The following NF1 variants were observed in gnomAD, a reference collection of about 807,000 sequenced individuals.
NF1 encodes the protein neurofibromin 1.
Under a neutral mutation model 325.7 loss-of-function variants are expected in NF1, and 122 were observed. The ratio of observed to expected loss-of-function variants is 0.37; its 90% confidence interval spans 0.32 to 0.44. The LOEUF is 0.44. Ranked by LOEUF, NF1 falls within the 20% of genes least tolerant of loss-of-function variation. The probability of loss-of-function intolerance (pLI) is 1.00; values close to 1 mark genes in which losing one functional copy is unlikely to be tolerated. For missense variants in NF1, 2,140 were observed against 3,415.4 expected (o/e 0.63, Z 9.31); for synonymous variants, 1,091 against 1,186.0 (o/e 0.92, Z 1.65).
intron 36 of NF1, among the ~76,000 whole-genome samples, chr17:31,285,277 T>TAC (rs1555622017): frequency 8.3e-6 from 1 of 120,896 alleles, no homozygotes; most frequent in Non-Finnish European, 1.7e-5. Context: ...AGATTCTGTT[T>TAC]AAAAAAAAAA....
At position 31,346,818 on chromosome 17, in the gene NF1, CTT is replaced by C. The variant is rs59155043; in HGVS notation, c.7190-2281_7190-2280del. On this transcript the variant is annotated intron_variant, in intron 48 of 57. Coordinates refer to ENST00000358273, the MANE Select transcript of NF1 (RefSeq NM_001042492.3). ...GACATCCTGGGATGAAAGAATTTGG[CTT>C]TTTTTTTTTTTTTTTTTTTTACATC... Among the ~76,000 whole-genome samples the C allele has an allele frequency of 6.3e-4, 68 of 108,174 alleles. 1 individual carries two copies. Among genetic ancestry groups the C allele is most frequent in the African/African-American group, 1.8e-3 (50 of 28,152 alleles). 71.0% of individuals were successfully genotyped at this position (108,174 alleles called of 152,430 possible).
chr17:31,317,403 A>ACACC lies in NF1; in HGVS notation c.4836-8416_4836-8415insACCC, dbSNP rs571315603. On this transcript the variant is annotated intron_variant, in intron 36 of 57. Transcript: ENST00000358273. ...CACACACACACACACACACACACAC[A>ACACC]CCCCTAATAAATCATTAGGCTACTT... Among the ~76,000 whole-genome samples the ACACC allele has an allele frequency of 1.6e-3, 236 of 147,278 alleles. 2 individuals are homozygous for ACACC. Among genetic ancestry groups the ACACC allele is most frequent in the African/African-American group, 5.4e-3 (208 of 38,630 alleles).
chr17:31,135,512 G>C (rs907648981), intron 1 of NF1, among the ~76,000 whole-genome samples: 1 of 151,792 alleles, frequency 6.6e-6, no homozygotes, highest in African/African-American at 2.4e-5. Flanking sequence ...CATTCATTGT[G>C]ATGACTGACA....
At chr17:31,305,757 AT>A in intron 36 of NF1, 1 of 763,774 alleles carries the variant, frequency 1.3e-6, no homozygotes, top group Non-Finnish European at 2.1e-6. Context: ...GTAGTAGTTG[AT>A]TAGTAGTTAT....
intron 32 of NF1, 75 bp downstream of exon 32, chr17:31,258,577 C>G (rs2151462476): frequency 7.1e-7 from 1 of 1,415,118 alleles, no homozygotes; most frequent in Non-Finnish European, 9.9e-7. Flanking sequence ...ACAGTACTTC[C>G]TCTTACATTT....
chr17:31,308,021 TTTTAAAACA>T, intron 36 of NF1: 1 of 823,906 alleles, frequency 1.2e-6, no homozygotes, highest in South Asian at 1.4e-5. Context: ...CAAGCCTGAA[TTTTAAAACA>T]GTTCTCCTTT....
At chr17:31,274,293 A>G (rs1008303330) in intron 36 of NF1, among the ~76,000 whole-genome samples, 1 of 152,176 alleles carries the variant, frequency 6.6e-6, no homozygotes, top group African/African-American at 2.4e-5. Flanking sequence ...GCCGTTTTCC[A>G]TGATAACTAG....
intron 36 of NF1, chr17:31,305,635 A>T: frequency 6.3e-7 from 1 of 1,591,826 alleles, no homozygotes; most frequent in Non-Finnish European, 8.6e-7. Flanking sequence ...CGTTATCTAT[A>T]GCGGGTTTAT....
chr17:31,186,488 G>A (rs1445844229), intron 8 of NF1, among the ~76,000 whole-genome samples: 1 of 152,202 alleles, frequency 6.6e-6, no homozygotes, highest in Non-Finnish European at 1.5e-5. Context: ...CCAGATGTGC[G>A]ATTATATACT....
intron 12 of NF1, among the ~76,000 whole-genome samples, chr17:31,212,838 C>A (rs1481372195): frequency 1.3e-5 from 2 of 152,060 alleles, no homozygotes. Flanking sequence ...GATTTGTTTA[C>A]ACCAGCATCA....
At chr17:31,099,558 CTTTTT>C (rs34905795) in intron 1 of NF1, among the ~76,000 whole-genome samples, 3 of 123,914 alleles carry the variant, frequency 2.4e-5, no homozygotes, top group Non-Finnish European at 3.6e-5. Context: ...AGGTGTGTAG[CTTTTT>C]TTTTTTTTTT....
intron 29 of NF1, among the ~76,000 whole-genome samples, chr17:31,238,732 T>TA (rs796369919): frequency 0.021 from 2,542 of 120,870 alleles, 58 homozygotes; most frequent in African/African-American, 0.063. Context: ...AGACTCTGTC[T>TA]AAAAAAAAAA....
chr17:31,147,306 A>G (rs1393659728), intron 1 of NF1, among the ~76,000 whole-genome samples: 1 of 152,204 alleles, frequency 6.6e-6, no homozygotes, highest in African/African-American at 2.4e-5. Context: ...TTTGAAATTT[A>G]TGTAACATCA....
intron 8 of NF1, 128 bp from the exon 9 acceptor site, chr17:31,200,294 C>T: frequency 1.3e-6 from 1 of 786,732 alleles, no homozygotes; most frequent in East Asian, 2.7e-5. Flanking sequence ...AAATTGAAAA[C>T]CACAAATATA....
chr17:31,358,333 TGAAGAAATGCCCCA>T, intron 54 of NF1, 133 bp from the exon 55 acceptor site: 1 of 809,656 alleles, frequency 1.2e-6, no homozygotes, highest in Non-Finnish European at 1.9e-6. Flanking sequence ...ATTTGGAAAA[TGAAGAAATGCCCCA>T]GAAAGTAAAA....
At chr17:31,240,939 G>A (rs965430250) in intron 29 of NF1, among the ~76,000 whole-genome samples, 3 of 152,050 alleles carry the variant, frequency 2.0e-5, no homozygotes, top group Non-Finnish European at 4.4e-5. Context: ...GTGTAGTGGC[G>A]TGATCTTGGC....
Position 31,242,306 on chromosome 17 carries a change from T to TC in NF1, c.3974+6285_3974+6286insC, listed in dbSNP as rs200858632. Among the ~76,000 whole-genome samples the TC allele has an allele frequency of 8.6e-3, 560 of 65,264 alleles. 6 individuals carry two copies. Among genetic ancestry groups the TC allele is most frequent in the Non-Finnish European group, 0.011 (408 of 38,470 alleles). The allele number at this position is 65,264 out of a possible 152,430, so 42.8% of individuals were successfully genotyped here. On this transcript the variant is annotated intron_variant, in intron 29 of 57. Coordinates refer to ENST00000358273, the MANE Select transcript of NF1 (RefSeq NM_001042492.3). ...CTTTCCCTAGGTTTCATAAGTTCTC[T>TC]TTTTTTTTTTTTTTTTTTTTTTTTT... is the stretch of plus-strand genomic sequence containing the variant.
intron 15 of NF1, among the ~76,000 whole-genome samples, chr17:31,223,137 G>A (rs1269568580): frequency 6.6e-6 from 1 of 152,170 alleles, no homozygotes; most frequent in Non-Finnish European, 1.5e-5. Flanking sequence ...TCTCTGCTGT[G>A]CATGTGGTTT....
At chr17:31,132,233 C>T (rs1260268833) in intron 1 of NF1, among the ~76,000 whole-genome samples, 2 of 152,118 alleles carry the variant, frequency 1.3e-5, no homozygotes, top group Non-Finnish European at 2.9e-5. Context: ...TGGCTGGCCT[C>T]AGTGTATTTT....
Sources: gnomAD v4.1 joint callset for allele counts (sites outside exome capture counted in the v4.1 genomes callset) on GRCh38, gnomAD v4.1.1 for gene constraint, MANE v1.5 for transcripts, NCBI Gene and HGNC (gene_info 2026-07-23, HGNC 2026-07-21) for gene names.